ELP4: variants seen among roughly 807,000 people sequenced by gnomAD.
The protein encoded by ELP4 is elongator acetyltransferase complex subunit 4, also known as elongator complex protein 4.
Under a neutral mutation model 48.9 loss-of-function variants are expected in ELP4, and 51 were observed. The observed-to-expected ratio is 1.04, with a 90% CI of 0.83 to 1.32. ELP4 has a LOEUF of 1.32. Ranked by LOEUF, ELP4 falls within the 40% of genes most tolerant of loss-of-function variation. The probability of loss-of-function intolerance (pLI) is 0.00; values close to 1 mark genes in which losing one functional copy is unlikely to be tolerated. For synonymous variants in ELP4, 210 were observed against 189.2 expected (o/e 1.11, Z -0.90); for missense variants, 519 against 514.6 (o/e 1.01, Z -0.08).
At chr11:31,733,491 A>AG (rs1284221265) in intron 9 of ELP4, among the ~76,000 whole-genome samples, 2 of 151,364 alleles carry the variant, frequency 1.3e-5, no homozygotes, top group African/African-American at 4.9e-5. Context: ...AAAAAAAAAA[A>AG]AAAAGGAAAG....
intron 7 of ELP4, chr11:31,633,743 A>T (rs553026074): frequency 4.6e-5 from 7 of 152,206 alleles, no homozygotes; most frequent in South Asian, 4.1e-4. Context: ...GACTTATCAG[A>T]TACTGGTGAA....
intron 9 of ELP4, among the ~76,000 whole-genome samples, chr11:31,704,685 G>A (rs2134162091): frequency 6.6e-6 from 1 of 152,060 alleles, no homozygotes; most frequent in Non-Finnish European, 1.5e-5. Flanking sequence ...TTTTGATTTA[G>A]ATCATAGAAA....
intron 9 of ELP4, chr11:31,763,494 A>T: frequency 6.2e-7 from 1 of 1,611,460 alleles, no homozygotes; most frequent in South Asian, 1.1e-5. Flanking sequence ...AAGACTCTGC[A>T]TGGGGAGAAG....
chr11:31,539,099 G>A (rs945240709), intron 2 of ELP4, among the ~76,000 whole-genome samples: 5 of 152,110 alleles, frequency 3.3e-5, no homozygotes, highest in African/African-American at 4.8e-5. Context: ...TATGTGCAGG[G>A]GGTAATTTTG....
chr11:31,763,289 C>T (rs1947983389), intron 9 of ELP4: 1 of 855,696 alleles, frequency 1.2e-6, no homozygotes, highest in Admixed American at 3.4e-5. Flanking sequence ...GTTCACTGTG[C>T]TTTTAAAAAG....
At chr11:31,533,297 TG>T (rs1285193090) in intron 2 of ELP4, among the ~76,000 whole-genome samples, 3 of 151,988 alleles carry the variant, frequency 2.0e-5, no homozygotes, top group Non-Finnish European at 4.4e-5. Flanking sequence ...TTTGGTTTTC[TG>T]TTTCTGAGTT....
chr11:31,696,627 A>G (rs1050380764), intron 9 of ELP4, among the ~76,000 whole-genome samples: 2 of 152,182 alleles, frequency 1.3e-5, no homozygotes, highest in South Asian at 4.1e-4. Flanking sequence ...TGTGGTGCTG[A>G]GAAGAATCTG....
chr11:31,706,656 T>C (rs1412081273), intron 9 of ELP4, among the ~76,000 whole-genome samples: 3 of 150,302 alleles, frequency 2.0e-5, no homozygotes, highest in African/African-American at 7.3e-5. Flanking sequence ...TCTAATATTT[T>C]CAAAAAAAGA....
intron 9 of ELP4, among the ~76,000 whole-genome samples, chr11:31,779,360 T>A (rs76225124): frequency 0.022 from 3,303 of 152,272 alleles, 115 homozygotes; most frequent in African/African-American, 0.075. Context: ...GTCTGGGAAC[T>A]GTGAGCACTG....
At chr11:31,779,811 T>C (rs959475530) in intron 9 of ELP4, 2 of 152,224 alleles carry the variant, frequency 1.3e-5, no homozygotes, top group Non-Finnish European at 2.9e-5. Context: ...ACAGAAATCA[T>C]TGTTTTAGAC....
At chr11:31,652,715 A>G (rs1227505733) in intron 9 of ELP4, 3 of 151,918 alleles carry the variant, frequency 2.0e-5, no homozygotes, top group African/African-American at 7.2e-5. Flanking sequence ...TGAATCTGAC[A>G]TTGAATCAGG....
intron 5 of ELP4, among the ~76,000 whole-genome samples, chr11:31,623,837 T>C (rs1944680610): frequency 6.7e-6 from 1 of 148,820 alleles, no homozygotes; most frequent in Admixed American, 6.7e-5. Context: ...ATATTCAAAA[T>C]ATTAAGGAAC....
At chr11:31,533,766 T>C (rs1439049799) in intron 2 of ELP4, among the ~76,000 whole-genome samples, 1 of 151,992 alleles carries the variant, frequency 6.6e-6, no homozygotes, top group Non-Finnish European at 1.5e-5. Flanking sequence ...GGAGGAGGAT[T>C]AGGGTGAATG....
At chr11:31,667,731 A>T (rs576286037) in intron 9 of ELP4, among the ~76,000 whole-genome samples, 1 of 152,252 alleles carries the variant, frequency 6.6e-6, no homozygotes, top group South Asian at 2.1e-4. Flanking sequence ...TGTATTTCTG[A>T]ATAAGAGGGA....
chr11:31,517,762 G>A (rs894329688), intron 1 of ELP4, among the ~76,000 whole-genome samples: 13 of 151,528 alleles, frequency 8.6e-5, no homozygotes, highest in African/African-American at 3.2e-4. Flanking sequence ...GACTACAGGC[G>A]GCAGCCACCG....
intron 3 of ELP4, among the ~76,000 whole-genome samples, chr11:31,590,157 T>C (rs1262472297): frequency 6.6e-6 from 1 of 152,182 alleles, no homozygotes; most frequent in Non-Finnish European, 1.5e-5. Context: ...AAGGCAATAA[T>C]AATAGTACCT....
chr11:31,752,984 CT>C (rs1292461100), intron 9 of ELP4, among the ~76,000 whole-genome samples: 1 of 152,094 alleles, frequency 6.6e-6, no homozygotes, highest in African/African-American at 2.4e-5. Flanking sequence ...CTTACTTAGC[CT>C]GTCTATATTA....
chr11:31,728,496 A>T (rs533210654), intron 9 of ELP4, among the ~76,000 whole-genome samples: 3 of 152,304 alleles, frequency 2.0e-5, no homozygotes, highest in Non-Finnish European at 4.4e-5. Context: ...TTTAAAAAGT[A>T]ATACCCCAAA....
At chr11:31,739,768 T>C (rs2134216699) in intron 9 of ELP4, among the ~76,000 whole-genome samples, 1 of 152,310 alleles carries the variant, frequency 6.6e-6, no homozygotes, top group African/African-American at 2.4e-5. Flanking sequence ...ACACTAAACC[T>C]CCTCTCAAGC....
Sources: gnomAD v4.1 joint callset for allele counts (sites outside exome capture counted in the v4.1 genomes callset) on GRCh38, gnomAD v4.1.1 for gene constraint, MANE v1.5 for transcripts, NCBI Gene and HGNC (gene_info 2026-07-23, HGNC 2026-07-21) for gene names.